PDCD6: variants seen among roughly 807,000 people sequenced by gnomAD.
PDCD6 encodes programmed cell death protein 6.
Under a neutral mutation model 28.3 loss-of-function variants are expected in PDCD6, and 12 were observed. The ratio of observed to expected loss-of-function variants is 0.42; its 90% CI spans 0.27 to 0.69. The LOEUF is 0.69. Among genes scored for constraint, PDCD6 ranks in the 30% least tolerant of loss-of-function variants. PDCD6 has a pLI of 0.22. For missense variants in PDCD6, 226 were observed against 269.9 expected (o/e 0.84, Z 1.14); for synonymous variants, 92 against 108.0 (o/e 0.85, Z 0.92).
At chr5:294,486 C>T (rs1160637297) in intron 2 of PDCD6, among the ~76,000 whole-genome samples, 1 of 152,226 alleles carries the variant, frequency 6.6e-6, no homozygotes, top group Non-Finnish European at 1.5e-5. Flanking sequence ...AAATGCCAGT[C>T]AACAGTACCT....
At chr5:278,087 C>A (rs563857027) in intron 2 of PDCD6, among the ~76,000 whole-genome samples, 27 of 152,310 alleles carry the variant, frequency 1.8e-4, no homozygotes, top group African/African-American at 5.5e-4. Flanking sequence ...GCTCCCTTCC[C>A]CACCTTTGTC....
At chr5:285,756 G>T (rs1453905390) in intron 2 of PDCD6, among the ~76,000 whole-genome samples, 1 of 151,836 alleles carries the variant, frequency 6.6e-6, no homozygotes, top group East Asian at 1.9e-4. Context: ...ACCCTGGGGT[G>T]AGCTGAATTT....
At chr5:291,814 T>G (rs1433417146) in intron 2 of PDCD6, among the ~76,000 whole-genome samples, 2 of 152,224 alleles carry the variant, frequency 1.3e-5, no homozygotes, top group Non-Finnish European at 2.9e-5. Context: ...GGATGAGTGT[T>G]TGGCCAGGTT....
chr5:277,282 C>A (rs554701464), intron 2 of PDCD6, among the ~76,000 whole-genome samples: 2 of 149,172 alleles, frequency 1.3e-5, no homozygotes, highest in African/African-American at 5.0e-5. Flanking sequence ...CCCACCACCA[C>A]GCCCAGCTAA....
At chr5:293,094 C>T (rs1739409353) in intron 2 of PDCD6, among the ~76,000 whole-genome samples, 3 of 152,228 alleles carry the variant, frequency 2.0e-5, no homozygotes, top group Admixed American at 1.3e-4. Context: ...CCCCCATCAG[C>T]ACCTCCCCCT....
chr5:294,824 G>A (rs927945237), intron 2 of PDCD6, among the ~76,000 whole-genome samples: 7 of 152,162 alleles, frequency 4.6e-5, no homozygotes, highest in Non-Finnish European at 7.3e-5. Context: ...GAACCAACGC[G>A]GATGCTTCCA....
At chr5:276,712 A>C (rs955616751) in intron 2 of PDCD6, 10 of 984,276 alleles carry the variant, frequency 1.0e-5, no homozygotes, top group Non-Finnish European at 1.2e-5. Context: ...CTGAAGCTAC[A>C]AAATGGCCTG....
At chr5:298,681 C>CCCCCCCAGCTGCTG (rs1739777111) in intron 2 of PDCD6, among the ~76,000 whole-genome samples, 1 of 119,038 alleles carries the variant, frequency 8.4e-6, no homozygotes, top group Non-Finnish European at 1.7e-5. Flanking sequence ...CTCAGCTGCT[C>CCCCCCCAGCTGCTG]CCACTCAGCT....
intron 2 of PDCD6, among the ~76,000 whole-genome samples, chr5:281,399 G>A (rs549588117): frequency 2.6e-5 from 4 of 152,270 alleles, no homozygotes; most frequent in South Asian, 2.1e-4. Flanking sequence ...TATGAGAGTC[G>A]TTGAGCTGGA....
intron 2 of PDCD6, among the ~76,000 whole-genome samples, chr5:296,944 C>CT (rs1739654090): frequency 6.6e-6 from 1 of 152,092 alleles, no homozygotes; most frequent in Non-Finnish European, 1.5e-5. Flanking sequence ...ACAGTTGAAT[C>CT]TCATCTCAAG....
At chr5:284,194 G>A (rs1738775527) in intron 2 of PDCD6, among the ~76,000 whole-genome samples, 1 of 151,748 alleles carries the variant, frequency 6.6e-6, no homozygotes, top group African/African-American at 2.4e-5. Context: ...TGAAGGTCTT[G>A]CAGCTGCAGA....
At chr5:278,347 T>C (rs548442874) in intron 2 of PDCD6, among the ~76,000 whole-genome samples, 1 of 152,198 alleles carries the variant, frequency 6.6e-6, no homozygotes, top group East Asian at 1.9e-4. Context: ...ATTAAGCTCC[T>C]GTTCTAGGGA....
intron 4 of PDCD6, chr5:308,214 G>T (rs536818249): frequency 3.3e-4 from 50 of 152,394 alleles, no homozygotes; most frequent in African/African-American, 1.1e-3. Flanking sequence ...TCCTAACCTT[G>T]TCAGGCCCTG....
intron 5 of PDCD6, chr5:311,932 A>AC (rs1162554135): frequency 6.3e-6 from 1 of 159,328 alleles, no homozygotes; most frequent in Non-Finnish European, 1.4e-5. Flanking sequence ...TAATCCGCCC[A>AC]CCTTAGCCTC....
intron 2 of PDCD6, among the ~76,000 whole-genome samples, chr5:300,964 A>T (rs944095580): frequency 6.6e-6 from 1 of 152,116 alleles, no homozygotes. Flanking sequence ...GCCCGTCCAG[A>T]TGGCACCTGA....
rs565732313 is a variant in PDCD6 at position 299,610 on chromosome 5, T to C, written c.164-4567T>C. Among the ~76,000 whole-genome samples the C allele has an allele frequency of 9.8e-4, 149 of 151,792 alleles. No individual in the cohort carries two copies. The East Asian group carries it at 0.013, about 13-fold the overall frequency. On this transcript the variant is annotated intron_variant, in intron 2 of 5. Coordinates refer to ENST00000264933, the MANE Select transcript of PDCD6 (RefSeq NM_013232.4). ...TGTCGCCCAGGCTGGAGTCCAGTGG[T>C]GCAATCTCAGCTCACTGCAAGCTCC...
At chr5:278,523 A>G (rs1738346526) in intron 2 of PDCD6, among the ~76,000 whole-genome samples, 1 of 150,318 alleles carries the variant, frequency 6.7e-6, no homozygotes, top group African/African-American at 2.5e-5. Flanking sequence ...CAGCCTGGGC[A>G]ACATGGCAGA....
rs571658184 is a variant in PDCD6, at chr5:297,479, T to C, written c.164-6698T>C. On this transcript the variant is annotated intron_variant, in intron 2 of 5. Coordinates refer to ENST00000264933, the MANE Select transcript of PDCD6 (RefSeq NM_013232.4). ...ACTTCGATTATTTCAAGTGTAAAAG[T>C]GTTTCAGCTTTTTTGAGGTATAATT... is the stretch of plus-strand genomic sequence containing the variant. Among the ~76,000 whole-genome samples the C allele has an allele frequency of 4.6e-5, 7 of 152,374 alleles. No individual in the cohort carries two copies. In the East Asian group the frequency reaches 9.6e-4, roughly 21 times the overall value.
At chr5:301,674 G>T (rs1475153211) in intron 2 of PDCD6, among the ~76,000 whole-genome samples, 1 of 142,392 alleles carries the variant, frequency 7.0e-6, no homozygotes. Context: ...TGGAGGGTGG[G>T]TCGTCGAGTG....
Sources: gnomAD v4.1 joint callset for allele counts (sites outside exome capture counted in the v4.1 genomes callset) on GRCh38, gnomAD v4.1.1 for gene constraint, MANE v1.5 for transcripts, NCBI Gene and HGNC (gene_info 2026-07-23, HGNC 2026-07-21) for gene names.